Variants in ZC3H4 observed in about 807,000 individuals in gnomAD.
ZC3H4 encodes zinc finger CCCH domain-containing protein 4.
ZC3H4 carries 13 observed loss-of-function variants against 108.3 expected under a neutral mutation model. The observed-to-expected ratio is 0.12, with a 90% CI of 0.08 to 0.19. ZC3H4 has a LOEUF of 0.19. ZC3H4 is among the 10% of genes least tolerant of loss of function. The pLI is 1.00. For missense variants in ZC3H4, 1,734 were observed against 1,838.8 expected (o/e 0.94, Z 1.04); for synonymous variants, 917 against 749.6 (o/e 1.22, Z -3.65).
chr19:47,086,444 T>C lies in ZC3H4; in HGVS notation c.810A>G (p.Arg270=). ...GMGRGSRGRG[R]GSMGGDHPED... ...CCGGGTGGTCTCCTCCCATAGAGCC[T>C]CTGCCCCTGCCTCGGCTGCCCCTGC... Residue 270 remains arginine (R), a synonymous_variant, in exon 6 of 15, where the codon AGA becomes AGG. Transcript: ENST00000253048. 7 of 1,612,974 alleles carry C rather than the reference T, an allele frequency of 4.3e-6. No homozygotes were observed. In the Middle Eastern group the frequency reaches 1.2e-3, roughly 266 times the overall value.
chr19:47,078,108 A>T (rs569064935), intron 11 of ZC3H4, among the ~76,000 whole-genome samples: 297 of 152,058 alleles, frequency 2.0e-3, no homozygotes, highest in Non-Finnish European at 3.0e-3. Flanking sequence ...CACTTAAAAA[A>T]TTTTTTTTCC....
intron 4 of ZC3H4, among the ~76,000 whole-genome samples, chr19:47,092,805 A>T (rs1459598330): frequency 6.7e-6 from 1 of 149,008 alleles, no homozygotes; most frequent in Non-Finnish European, 1.5e-5. Flanking sequence ...CGACAGAGCA[A>T]GACTCCGTCT....
intron 2 of ZC3H4, among the ~76,000 whole-genome samples, chr19:47,111,164 G>C (rs1568572704): frequency 6.6e-6 from 1 of 152,084 alleles, no homozygotes; most frequent in Non-Finnish European, 1.5e-5. Context: ...CTTTCCTGCC[G>C]GCTGAAACCC....
At chr19:47,082,779 CCTGACCA>C (rs1398627998) in intron 9 of ZC3H4, among the ~76,000 whole-genome samples, 1 of 152,192 alleles carries the variant, frequency 6.6e-6, no homozygotes, top group Non-Finnish European at 1.5e-5. Flanking sequence ...CCAGGGTACC[CCTGACCA>C]CTGCGCTGCC....
chr19:47,069,221 C>G lies in ZC3H4; in HGVS notation c.2269G>C (p.Gly757Arg), dbSNP rs753240006. The change falls in exon 14 of 15, where the codon GGT becomes CGT. Residue 757 changes from glycine (G) to arginine (R), a missense_variant. Gly to Arg is a moderately radical substitution (Grantham distance 125). This residue lies in a region of ZC3H4 where 540 missense variants were observed against 484.1 expected (regional missense o/e 1.12). Coordinates refer to ENST00000253048, the MANE Select transcript of ZC3H4 (RefSeq NM_015168.2). ...GPPGRPKPGAGVPDFLPSAQR... is the reference protein window; with the variant it reads ...GPPGRPKPGARVPDFLPSAQR... ...GCTGAGGGCAGGAAGTCAGGGACAC[C>G]GGCGCCTGGCTTCGGCCGGCCTGGG... 8 of 1,612,832 alleles carry G rather than the reference C, an allele frequency of 5.0e-6. No homozygotes were observed. The highest frequency in any genetic ancestry group is 1.7e-5 in the Admixed American group (1 of 59,984).
chr19:47,096,766 A>G, intron 2 of ZC3H4: 1 of 983,114 alleles, frequency 1.0e-6, no homozygotes, highest in African/African-American at 1.7e-5. Context: ...GGCCACTAAT[A>G]TTTTAAATGC....
Position 47,084,982 on chromosome 19 carries a change from A to G in ZC3H4, c.1107+74T>C, listed in dbSNP as rs2057590739. On this transcript the variant is annotated intron_variant, in intron 8 of 14. Transcript: ENST00000253048. The stretch of plus-strand genomic sequence containing the variant: ...TGGCAGCAAGGATCAGCTTCACAGA[A>G]TGACTCATTAAAGGGAAAAAGGACT... 5.7e-6 allele frequency: 9 copies of G among 1,580,826 alleles called. No individual in the cohort carries two copies. The East Asian group carries it at 2.0e-4, about 36-fold the overall frequency.
At chr19:47,110,678 A>G (rs996355196) in intron 2 of ZC3H4, among the ~76,000 whole-genome samples, 1 of 152,236 alleles carries the variant, frequency 6.6e-6, no homozygotes, top group African/African-American at 2.4e-5. Flanking sequence ...CTGACATAAG[A>G]GAACTCCTTA....
At position 47,072,796 on chromosome 19, in the gene ZC3H4, T is replaced by C; in HGVS notation, c.1441-83A>G. The C allele has an allele frequency of 2.0e-6, 3 of 1,514,340 alleles. No homozygotes were observed. Among genetic ancestry groups the C allele is most frequent in the Non-Finnish European group, 2.7e-6 (3 of 1,118,170 alleles). The allele number at this position is 1,514,340 out of a possible 1,614,324, so 93.8% of individuals were successfully genotyped here. ...CTCCAGGTCTGAGAGCTGAAGTTTA[T>C]GAGGAAAAGTCCATAATACAAGGAC... On this transcript the variant is annotated intron_variant, in intron 11 of 14. Transcript: ENST00000253048. The surrounding 1 kb of genome is among the most constrained non-coding windows in gnomAD (Gnocchi z 5.6).
At chr19:47,099,332 G>A (rs893740385) in intron 2 of ZC3H4, among the ~76,000 whole-genome samples, 2 of 151,936 alleles carry the variant, frequency 1.3e-5, no homozygotes, top group African/African-American at 2.4e-5. Flanking sequence ...GGAAGAACAC[G>A]CCTGTAAACC....
chr19:47,075,022 G>A (rs1322283098), intron 11 of ZC3H4, among the ~76,000 whole-genome samples: 1 of 152,140 alleles, frequency 6.6e-6, no homozygotes, highest in African/African-American at 2.4e-5. Context: ...CTGCCCCTCT[G>A]CCCAGGAACA....
intron 5 of ZC3H4, among the ~76,000 whole-genome samples, chr19:47,089,165 C>A (rs915083991): frequency 1.4e-5 from 2 of 144,206 alleles, no homozygotes; most frequent in Non-Finnish European, 3.0e-5. Context: ...GAGATCGCGC[C>A]ACTGCACTCC....
chr19:47,091,195 C>T (rs2057725911), intron 4 of ZC3H4, among the ~76,000 whole-genome samples: 1 of 152,132 alleles, frequency 6.6e-6, no homozygotes, highest in Admixed American at 6.5e-5. Flanking sequence ...TTGCTTGAAC[C>T]CGCGAGGCAG....
At chr19:47,074,672 A>G (rs759185369) in intron 11 of ZC3H4, among the ~76,000 whole-genome samples, 3 of 152,166 alleles carry the variant, frequency 2.0e-5, no homozygotes, top group African/African-American at 7.2e-5. Flanking sequence ...TTGCCCCCCA[A>G]ATCTGGAATT....
chr19:47,085,579 T>C (rs1320717575), intron 6 of ZC3H4, among the ~76,000 whole-genome samples, 165 bp from the exon 7 acceptor site: 1 of 152,124 alleles, frequency 6.6e-6, no homozygotes, highest in Non-Finnish European at 1.5e-5. Context: ...TCCTTCCCAC[T>C]GCAGTCTTCA....
chr19:47,080,066 A>G (rs971395437), intron 11 of ZC3H4, among the ~76,000 whole-genome samples: 3 of 152,238 alleles, frequency 2.0e-5, no homozygotes, highest in Admixed American at 1.3e-4. Context: ...TCACTGACAG[A>G]TGGACTCTGG....
chr19:47,109,190 G>A (rs2058005214), intron 2 of ZC3H4, among the ~76,000 whole-genome samples: 2 of 152,104 alleles, frequency 1.3e-5, no homozygotes, highest in Admixed American at 1.3e-4. Context: ...TTCAAAAACA[G>A]ATTACCAAAA....
chr19:47,104,334 T>C (rs960263618), intron 2 of ZC3H4, among the ~76,000 whole-genome samples: 1 of 152,028 alleles, frequency 6.6e-6, no homozygotes, highest in Non-Finnish European at 1.5e-5. Context: ...ATAATAATAA[T>C]AATTTCTTAA....
Position 47,072,508 on chromosome 19 carries a change from G to A in ZC3H4, c.1646C>T (p.Pro549Leu). The A allele has an allele frequency of 7.4e-7, 1 of 1,354,792 alleles. No individual in the cohort carries two copies. Among genetic ancestry groups the A allele is most frequent in the Non-Finnish European group, 1.0e-6 (1 of 997,028 alleles). 83.9% of individuals were successfully genotyped at this position (1,354,792 alleles called of 1,614,324 possible). ...GGPPPPPPPP[P>L]PPPGPPQMPM... ...CATCTGAGGGGGCCCGGGCGGTGGGGGAGGGGGAGGGGGCGGGGGCGGGGG... is the reference window on the plus strand; with the variant it reads ...CATCTGAGGGGGCCCGGGCGGTGGGAGAGGGGGAGGGGGCGGGGGCGGGGG... Residue 549 changes from proline to leucine, a missense_variant, in exon 12 of 15, where the codon CCC (proline) becomes CTC (leucine). Coordinates refer to ENST00000253048, the MANE Select transcript of ZC3H4 (RefSeq NM_015168.2). This position sits in a 1 kb window ranked among gnomAD's most constrained non-coding sequence, Gnocchi z 5.6.
Sources: gnomAD v4.1 joint callset for allele counts (sites outside exome capture counted in the v4.1 genomes callset) on GRCh38, gnomAD v4.1.1 for gene constraint, gnomAD v4.1.1 regional missense constraint, Gnocchi (gnomAD v3.1) non-coding constraint, MANE v1.5 for transcripts, NCBI Gene and HGNC (gene_info 2026-07-23, HGNC 2026-07-21) for gene names.